Variants in SPMIP3 observed in about 807,000 individuals in gnomAD.
SPMIP3 encodes sperm microtubule inner protein 3, also known as protein SPMIP3.
the SPMIP3 span, among the ~76,000 whole-genome samples, chr1:244,374,071 C>T: frequency 2.6e-5 from 4 of 152,026 alleles, no homozygotes; most frequent in African/African-American, 9.7e-5. Flanking sequence ...TGAGATTGGG[C>T]CACTGCACTC....
the SPMIP3 span, among the ~76,000 whole-genome samples, chr1:244,365,121 G>A: frequency 1.3e-5 from 2 of 152,172 alleles, no homozygotes; most frequent in Non-Finnish European, 2.9e-5. Flanking sequence ...TGATACAGAA[G>A]GGATATATGG....
At chr1:244,385,713 T>C in the SPMIP3 span, among the ~76,000 whole-genome samples, 2 of 147,548 alleles carry the variant, frequency 1.4e-5, no homozygotes, top group South Asian at 2.2e-4. Context: ...CCTTCAAAAA[T>C]GTTAGTTACT....
chr1:244,383,761 T>A, the SPMIP3 span, among the ~76,000 whole-genome samples: 1 of 151,978 alleles, frequency 6.6e-6, no homozygotes, highest in Non-Finnish European at 1.5e-5. Context: ...AATAAGGGTG[T>A]GCTGGAGTAT....
chr1:244,358,731 C>A, the SPMIP3 span, among the ~76,000 whole-genome samples: 30 of 151,890 alleles, frequency 2.0e-4, no homozygotes, highest in African/African-American at 6.8e-4. Context: ...GCATTATTTA[C>A]TCTGGGCATA....
the SPMIP3 span, among the ~76,000 whole-genome samples, chr1:244,358,806 T>G: frequency 6.6e-6 from 1 of 152,114 alleles, no homozygotes; most frequent in Non-Finnish European, 1.5e-5. Flanking sequence ...ACTGAGTGAA[T>G]GGTAGGGCAA....
At chr1:244,373,954 A>C in the SPMIP3 span, among the ~76,000 whole-genome samples, 1 of 151,884 alleles carries the variant, frequency 6.6e-6, no homozygotes, top group Non-Finnish European at 1.5e-5. Flanking sequence ...CTCTTCTAAA[A>C]ATACAAAAAT....
the SPMIP3 span, among the ~76,000 whole-genome samples, chr1:244,379,363 A>C: frequency 6.6e-6 from 1 of 151,022 alleles, no homozygotes; most frequent in Non-Finnish European, 1.5e-5. Flanking sequence ...CACTGCACCC[A>C]GCTAATTGTT....
the SPMIP3 span, chr1:244,388,811 T>C: frequency 1.7e-6 from 1 of 602,558 alleles, no homozygotes. Context: ...TGAGTCCTTT[T>C]TCCCACATTT....
chr1:244,382,761 G>T, the SPMIP3 span, among the ~76,000 whole-genome samples: 1 of 151,804 alleles, frequency 6.6e-6, no homozygotes, highest in Admixed American at 6.6e-5. Context: ...GCACCACCAG[G>T]CCCAGCTAAT....
chr1:244,359,104 C>T, the SPMIP3 span, among the ~76,000 whole-genome samples: 4 of 146,938 alleles, frequency 2.7e-5, no homozygotes, highest in Non-Finnish European at 4.5e-5. Context: ...TTGCAAACTA[C>T]ACTTCCTTAT....
chr1:244,382,216 AT>A, the SPMIP3 span, among the ~76,000 whole-genome samples: 95,882 of 147,774 alleles, frequency 0.65, 31,193 homozygotes, highest in African/African-American at 0.73. Context: ...AGCCAAGTGC[AT>A]TTTTTTTTTT....
At chr1:244,376,992 G>A in the SPMIP3 span, among the ~76,000 whole-genome samples, 106 of 151,324 alleles carry the variant, frequency 7.0e-4, no homozygotes, top group Non-Finnish European at 1.2e-3. Flanking sequence ...ATTATTAGTA[G>A]AGACGGGGTT....
chr1:244,373,271 T>C, the SPMIP3 span, among the ~76,000 whole-genome samples: 1 of 143,452 alleles, frequency 7.0e-6, no homozygotes, highest in African/African-American at 2.6e-5. Flanking sequence ...TACCATGTCA[T>C]GAACCTTGTT....
At chr1:244,387,603 C>T in the SPMIP3 span, among the ~76,000 whole-genome samples, 4 of 152,198 alleles carry the variant, frequency 2.6e-5, no homozygotes, top group East Asian at 7.7e-4. Flanking sequence ...GTACTTGTCA[C>T]TCTGTTGCTT....
the SPMIP3 span, chr1:244,378,352 G>C: frequency 9.3e-7 from 1 of 1,070,202 alleles, no homozygotes; most frequent in Admixed American, 2.4e-5. Flanking sequence ...TGGGAGTCTT[G>C]TCAATACTCT....
the SPMIP3 span, chr1:244,364,555 T>C: frequency 0.41 from 303,556 of 737,034 alleles, 67,794 homozygotes; most frequent in Non-Finnish European, 0.49. Context: ...ATAGCCTATA[T>C]GCATAGTCCT....
chr1:244,361,723 A>T, the SPMIP3 span, among the ~76,000 whole-genome samples: 15 of 152,156 alleles, frequency 9.9e-5, no homozygotes, highest in African/African-American at 3.1e-4. Flanking sequence ...AAAAATAAAA[A>T]TTTTTGTTAA....
chr1:244,354,445 C>T, the SPMIP3 span, among the ~76,000 whole-genome samples: 1 of 150,974 alleles, frequency 6.6e-6, no homozygotes, highest in South Asian at 2.1e-4. Context: ...AAGCTTCCAC[C>T]TCCTGGTTCA....
At chr1:244,369,841 G>A in the SPMIP3 span, among the ~76,000 whole-genome samples, 6 of 145,578 alleles carry the variant, frequency 4.1e-5, no homozygotes, top group Non-Finnish European at 8.8e-5. Context: ...TATGTAGATG[G>A]GTTCTCTGCC....
Sources: allele counts gnomAD v4.1 joint callset (sites outside exome capture counted in the v4.1 genomes callset), GRCh38; gene constraint gnomAD v4.1.1; transcripts MANE v1.5; gene names NCBI Gene and HGNC (gene_info 2026-07-23, HGNC 2026-07-21).